ZFPM2: variants seen among roughly 807,000 people sequenced by gnomAD.
ZFPM2 encodes the protein zinc finger protein ZFPM2.
Under a neutral mutation model 98.6 loss-of-function variants are expected in ZFPM2, and 20 were observed. The observed-to-expected ratio is 0.20, with a 90% CI of 0.14 to 0.29. ZFPM2 has a LOEUF of 0.29. Ranked by LOEUF, ZFPM2 falls within the 10% of genes least tolerant of loss-of-function variation. ZFPM2 has a pLI of 1.00. For synonymous variants in ZFPM2, 518 were observed against 502.7 expected (o/e 1.03, Z -0.41); for missense variants, 1,310 against 1,388.6 (o/e 0.94, Z 0.90).
chr8:105,796,251 C>CAAAG (rs1428959963), intron 6 of ZFPM2, among the ~76,000 whole-genome samples: 5 of 122,466 alleles, frequency 4.1e-5, no homozygotes, highest in Non-Finnish European at 8.1e-5. Flanking sequence ...ATTTTATTGC[C>CAAAG]AAAGAAAGAT....
At chr8:105,480,305 T>C (rs1197048492) in intron 3 of ZFPM2, among the ~76,000 whole-genome samples, 6 of 152,232 alleles carry the variant, frequency 3.9e-5, no homozygotes, top group Non-Finnish European at 7.3e-5. Flanking sequence ...GCCACTTCTT[T>C]CTTCCTTTCA....
intron 1 of ZFPM2, among the ~76,000 whole-genome samples, chr8:105,384,552 C>T (rs1426726788): frequency 6.6e-6 from 1 of 151,936 alleles, no homozygotes. Context: ...CTAAGGCAGA[C>T]TCATTGCCTT....
At chr8:105,741,325 C>T (rs747158288) in intron 5 of ZFPM2, among the ~76,000 whole-genome samples, 7 of 152,020 alleles carry the variant, frequency 4.6e-5, no homozygotes, top group Middle Eastern at 6.3e-3. Context: ...GTCTGATTGG[C>T]GATACCAAGC....
At chr8:105,426,004 A>G (rs539288883) in intron 2 of ZFPM2, among the ~76,000 whole-genome samples, 1 of 152,208 alleles carries the variant, frequency 6.6e-6, no homozygotes, top group African/African-American at 2.4e-5. Context: ...GCTATATTTT[A>G]TAAATCCTTT....
At chr8:105,537,854 C>G (rs1193319315) in intron 3 of ZFPM2, among the ~76,000 whole-genome samples, 1 of 152,028 alleles carries the variant, frequency 6.6e-6, no homozygotes, top group African/African-American at 2.4e-5. Context: ...CCTCAGCCTC[C>G]CTAGTAGCTG....
At chr8:105,704,666 C>T (rs1222864786) in intron 5 of ZFPM2, among the ~76,000 whole-genome samples, 1 of 152,120 alleles carries the variant, frequency 6.6e-6, no homozygotes, top group Non-Finnish European at 1.5e-5. Flanking sequence ...ATTCCAATGA[C>T]ATATTTACCT....
intron 3 of ZFPM2, among the ~76,000 whole-genome samples, chr8:105,486,078 A>G (rs1263769940): frequency 1.3e-5 from 2 of 152,050 alleles, no homozygotes; most frequent in African/African-American, 4.8e-5. Flanking sequence ...AAAGCTTTTC[A>G]GAAATGGATC....
intron 1 of ZFPM2, among the ~76,000 whole-genome samples, chr8:105,351,184 A>AG (rs1454512487): frequency 1.3e-5 from 2 of 151,830 alleles, no homozygotes; most frequent in African/African-American, 2.4e-5. Context: ...AAAAAAAAAA[A>AG]AAGAAAAAAA....
At chr8:105,445,874 A>G (rs1812358679) in intron 3 of ZFPM2, among the ~76,000 whole-genome samples, 1 of 151,448 alleles carries the variant, frequency 6.6e-6, no homozygotes, top group African/African-American at 2.4e-5. Flanking sequence ...CAAGGGAATT[A>G]CAGGCATGAG....
At chr8:105,460,388 C>G (rs893163344) in intron 3 of ZFPM2, among the ~76,000 whole-genome samples, 6 of 152,032 alleles carry the variant, frequency 3.9e-5, no homozygotes, top group Admixed American at 1.3e-4. Context: ...CATAGGAAAC[C>G]CAGAGAAGGA....
At chr8:105,422,995 T>C (rs12677825) in intron 2 of ZFPM2, among the ~76,000 whole-genome samples, 70,598 of 151,930 alleles carry the variant, frequency 0.46, 16,982 homozygotes, top group East Asian at 0.67. Flanking sequence ...ATGGCTCTTA[T>C]TATTGTAACA....
At chr8:105,705,117 T>G (rs1811225984) in intron 5 of ZFPM2, among the ~76,000 whole-genome samples, 1 of 151,814 alleles carries the variant, frequency 6.6e-6, no homozygotes, top group Admixed American at 6.6e-5. Context: ...CATATTAAAT[T>G]AGTATAATTG....
intron 5 of ZFPM2, among the ~76,000 whole-genome samples, chr8:105,676,361 C>A (rs1322324232): frequency 6.6e-6 from 1 of 152,116 alleles, no homozygotes; most frequent in African/African-American, 2.4e-5. Context: ...TTCCCTGCTT[C>A]ACTATGAACA....
At chr8:105,512,745 T>C (rs949707991) in intron 3 of ZFPM2, among the ~76,000 whole-genome samples, 3 of 152,198 alleles carry the variant, frequency 2.0e-5, no homozygotes, top group Admixed American at 2.0e-4. Context: ...TTCTGTAGAT[T>C]AATTGGTCAA....
In ZFPM2 at chr8:105,377,605, TCCAAAA is replaced by T. The variant is rs1563629038; in HGVS notation, c.41-41538_41-41533del. ...AGCAAAACCCCGTTTTTCTTAAAAA[TCCAAAA>T]AAAAAAAAAAAAAAAAAAAAAAGCC... is the stretch of plus-strand genomic sequence containing the variant. On this transcript the variant is annotated intron_variant, in intron 1 of 7. Coordinates refer to ENST00000407775, the MANE Select transcript of ZFPM2 (RefSeq NM_012082.4). 7.1e-4 allele frequency among the ~76,000 whole-genome samples: 7 copies of T among 9,842 alleles called. 1 individual carries two copies. Among genetic ancestry groups the T allele is most frequent in the African/African-American group, 1.7e-3 (5 of 2,874 alleles). The allele number at this position is 9,842 out of a possible 152,430, so 6.5% of individuals were successfully genotyped here. A position where few individuals can be genotyped will look rare whatever the true frequency, so the allele number is the denominator to read the frequency against.
intron 5 of ZFPM2, among the ~76,000 whole-genome samples, chr8:105,702,740 A>T (rs1811166448): frequency 6.6e-6 from 1 of 152,168 alleles, no homozygotes; most frequent in Non-Finnish European, 1.5e-5. Flanking sequence ...CCCTAGAAAA[A>T]TCGGATCATG....
At chr8:105,487,444 G>A (rs963369498) in intron 3 of ZFPM2, among the ~76,000 whole-genome samples, 3 of 152,040 alleles carry the variant, frequency 2.0e-5, no homozygotes, top group African/African-American at 7.2e-5. Context: ...ATACATCTAA[G>A]TTTTAATTTA....
intron 2 of ZFPM2, among the ~76,000 whole-genome samples, chr8:105,430,984 A>G (rs145281051): frequency 1.9e-3 from 280 of 150,622 alleles, no homozygotes; most frequent in African/African-American, 6.4e-3. Flanking sequence ...GCTCAGTGCA[A>G]CCTCTGTCTC....
At chr8:105,358,555 G>A (rs1389395077) in intron 1 of ZFPM2, 1 of 152,204 alleles carries the variant, frequency 6.6e-6, no homozygotes, top group Non-Finnish European at 1.5e-5. Flanking sequence ...AAGCAGAATG[G>A]TGGGATTTGC....
Sources: allele counts gnomAD v4.1 joint callset (sites outside exome capture counted in the v4.1 genomes callset), GRCh38; gene constraint gnomAD v4.1.1; transcripts MANE v1.5; gene names NCBI Gene and HGNC (gene_info 2026-07-23, HGNC 2026-07-21).